PTCD2: variants seen among roughly 807,000 people sequenced by gnomAD.
The protein encoded by PTCD2 is pentatricopeptide repeat-containing protein 2, mitochondrial.
PTCD2 carries 31 observed loss-of-function variants against 42.6 expected under a neutral mutation model. The ratio of observed to expected loss-of-function variants is 0.73; its 90% CI spans 0.55 to 0.98. The LOEUF (loss-of-function observed/expected upper bound fraction) is 0.98. PTCD2 is among the 50% of genes least tolerant of loss of function. The pLI, the probability that PTCD2 is intolerant of heterozygous loss-of-function variation, is 0.00. For synonymous variants in PTCD2, 183 were observed against 170.9 expected (o/e 1.07, Z -0.55); for missense variants, 476 against 454.8 (o/e 1.05, Z -0.42).
rs1381423556 is a variant in PTCD2 at position 72,360,258 on chromosome 5, A to G, written c.*1831A>G. The G allele has an allele frequency of 1.3e-5, 2 of 150,978 alleles. No homozygotes were observed. Among genetic ancestry groups the G allele is most frequent in the Non-Finnish European group, 2.9e-5 (2 of 67,930 alleles). The allele number at this position is 150,978 out of a possible 1,614,324, so 9.4% of individuals were successfully genotyped here. A position where few individuals can be genotyped will look rare whatever the true frequency, so the allele number is the denominator to read the frequency against. Reference sequence around the variant, plus strand: ...GATTTCTCCACTTTCAGTCTTAGGGAATAATAGGGCATGCTTCCTGTCCCC... The same window carrying G: ...GATTTCTCCACTTTCAGTCTTAGGGGATAATAGGGCATGCTTCCTGTCCCC... On this transcript the variant is annotated 3_prime_UTR_variant, in exon 10 of 10. Coordinates refer to ENST00000380639, the MANE Select transcript of PTCD2 (RefSeq NM_024754.5).
chr5:72,333,752 T>G (rs1751566157), intron 4 of PTCD2, among the ~76,000 whole-genome samples: 1 of 152,248 alleles, frequency 6.6e-6, no homozygotes, highest in Non-Finnish European at 1.5e-5. Flanking sequence ...ATAGGTTTTA[T>G]GTACTTTCAC....
intron 7 of PTCD2, among the ~76,000 whole-genome samples, chr5:72,339,330 T>G (rs1236642548): frequency 6.6e-6 from 1 of 152,208 alleles, no homozygotes; most frequent in African/African-American, 2.4e-5. Flanking sequence ...GATTTCCTAT[T>G]CCAGAGCCTA....
In PTCD2 at chr5:72,366,543, A is replaced by T. The variant is rs1447827166; in HGVS notation, c.*8116A>T. The T allele has an allele frequency of 1.3e-5, 2 of 152,252 alleles. No individual in the cohort carries two copies. The highest frequency in any genetic ancestry group is 2.9e-5 in the Non-Finnish European group (2 of 68,052). The allele number at this position is 152,252 out of a possible 1,614,324, so 9.4% of individuals were successfully genotyped here. ...TTGCTGTCAGTAGCAGAGCTGAAGA[A>T]CTTACAATAGACGGCAGAGGGCGTC... On this transcript the variant is annotated 3_prime_UTR_variant, in exon 10 of 10. Transcript: ENST00000380639.
Position 72,360,072 on chromosome 5 carries a change from TCTTC to T in PTCD2, c.*1650_*1653del, listed in dbSNP as rs991669819. The T allele has an allele frequency of 1.3e-5, 2 of 152,112 alleles. No individual in the cohort carries two copies. Among genetic ancestry groups the T allele is most frequent in the Non-Finnish European group, 1.5e-5 (1 of 68,038 alleles). The allele number at this position is 152,112 out of a possible 1,614,324, so 9.4% of individuals were successfully genotyped here. On this transcript the variant is annotated 3_prime_UTR_variant, in exon 10 of 10. Coordinates refer to ENST00000380639, the MANE Select transcript of PTCD2 (RefSeq NM_024754.5). ...TAAGGAATTATAAAAACAAATGAGT[TCTTC>T]CTTCTGCTCAAAAATATTGAATTTC...
Position 72,326,679 on chromosome 5 carries a change from A to G in PTCD2, c.288A>G (p.Ile96Met). Residue 96 changes from isoleucine to methionine, a missense_variant, in exon 3 of 10, where the codon ATA becomes ATG. Ile to Met is a conservative substitution (Grantham distance 10, BLOSUM62 1). Transcript: ENST00000380639. The part of the protein sequence containing the change: ...QNKLILKGEL[I>M]TLLHLCESRD... Reference sequence around the variant, plus strand: ...AGCTCATCTTGAAGGGGGAGTTGATAACCTTACTACATTTGTGTGAGTCTC... The same window carrying G: ...AGCTCATCTTGAAGGGGGAGTTGATGACCTTACTACATTTGTGTGAGTCTC... 1 of 1,614,170 alleles carries G rather than the reference A, an allele frequency of 6.2e-7. No individual in the cohort carries two copies. Among genetic ancestry groups the G allele is most frequent in the East Asian group, 2.2e-5 (1 of 44,884 alleles).
intron 4 of PTCD2, among the ~76,000 whole-genome samples, chr5:72,332,702 G>T (rs1751504966): frequency 6.6e-6 from 1 of 152,018 alleles, no homozygotes; most frequent in Admixed American, 6.6e-5. Context: ...AAATTTTCTG[G>T]AGTAGAATGG....
In PTCD2 at chr5:72,338,659, G is replaced by A. The variant is rs768099899; in HGVS notation, c.677G>A (p.Arg226Lys). The change falls in exon 7 of 10, where the codon AGA becomes AAA. Residue 226 changes from arginine to lysine, a missense_variant. Arg to Lys is a conservative substitution (Grantham distance 26, BLOSUM62 2). Coordinates refer to ENST00000380639, the MANE Select transcript of PTCD2 (RefSeq NM_024754.5). ...TCTTTCAAAATCTGTACTACATTAA[G>A]AGAAGAAGCTCTACTCAAAGGAGAA... ...PESFKICTTLREEALLKGEIL... is the reference protein window; with the variant it reads ...PESFKICTTLKEEALLKGEIL... 3 of 1,612,206 alleles carry A rather than the reference G, an allele frequency of 1.9e-6. No homozygotes were observed. Among genetic ancestry groups the A allele is most frequent in the Middle Eastern group, 1.7e-4 (1 of 6,060 alleles).
chr5:72,333,348 C>T lies in PTCD2; in HGVS notation c.469-1670C>T, dbSNP rs534214004. On this transcript the variant is annotated intron_variant, in intron 4 of 9. Coordinates refer to ENST00000380639, the MANE Select transcript of PTCD2 (RefSeq NM_024754.5). Reference sequence around the variant, plus strand: ...CCATCCATCTTCTCTACTTGCTCTTCATAGACTTTACTAATAGCTGAAATT... The same window carrying T: ...CCATCCATCTTCTCTACTTGCTCTTTATAGACTTTACTAATAGCTGAAATT... Among the ~76,000 whole-genome samples the T allele has an allele frequency of 6.6e-5, 10 of 152,342 alleles. No individual in the cohort carries two copies. The East Asian group carries it at 1.5e-3, about 23-fold the overall frequency.
chr5:72,353,762 T>C (rs1218710108), intron 9 of PTCD2, among the ~76,000 whole-genome samples: 1 of 152,148 alleles, frequency 6.6e-6, no homozygotes, highest in Non-Finnish European at 1.5e-5. Context: ...GTGGATAGAC[T>C]AGTAAGAAGT....
At chr5:72,339,549 C>T (rs1222644938) in intron 7 of PTCD2, among the ~76,000 whole-genome samples, 2 of 152,130 alleles carry the variant, frequency 1.3e-5, no homozygotes, top group East Asian at 1.9e-4. Context: ...TTATACACTT[C>T]CCAGCCTTCT....
intron 8 of PTCD2, among the ~76,000 whole-genome samples, chr5:72,352,255 C>G (rs953450094): frequency 6.6e-6 from 1 of 152,194 alleles, no homozygotes; most frequent in African/African-American, 2.4e-5. Context: ...TCAAGTGATT[C>G]TCCTGCCTCA....
rs939298255 is a variant in PTCD2 at position 72,361,071 on chromosome 5, C to G, written c.*2644C>G. 4 of 152,144 alleles carry G rather than the reference C, an allele frequency of 2.6e-5. No homozygotes were observed. Among genetic ancestry groups the G allele is most frequent in the African/African-American group, 9.7e-5 (4 of 41,430 alleles). 9.4% of individuals were successfully genotyped at this position (152,144 alleles called of 1,614,324 possible). On this transcript the variant is annotated 3_prime_UTR_variant, in exon 10 of 10. Transcript: ENST00000380639. The stretch of plus-strand genomic sequence containing the variant: ...TATGTGCTTTTGTAGATTGTTTTTA[C>G]TTACTGTAGATATCTGTTGCTCCAG...
chr5:72,330,157 G>C (rs1390855498), intron 3 of PTCD2, among the ~76,000 whole-genome samples: 3 of 151,600 alleles, frequency 2.0e-5, no homozygotes, highest in African/African-American at 7.3e-5. Flanking sequence ...AGCCAAGATG[G>C]TCTCGATCTC....
intron 3 of PTCD2, among the ~76,000 whole-genome samples, chr5:72,327,795 T>A (rs1561377495): frequency 1.3e-5 from 2 of 152,200 alleles, no homozygotes; most frequent in African/African-American, 4.8e-5. Flanking sequence ...TTAAAAGATC[T>A]GTTTCTATAT....
chr5:72,337,509 T>G (rs1751813276), intron 6 of PTCD2, among the ~76,000 whole-genome samples: 1 of 152,136 alleles, frequency 6.6e-6, no homozygotes, highest in Non-Finnish European at 1.5e-5. Context: ...TCAATTCTAC[T>G]TAGAGGCCAT....
intron 8 of PTCD2, among the ~76,000 whole-genome samples, chr5:72,351,470 CT>C (rs1202375625): frequency 6.6e-6 from 1 of 152,210 alleles, no homozygotes; most frequent in African/African-American, 2.4e-5. Flanking sequence ...CCATTTGCCC[CT>C]AGCCAGTTAC....
rs1211651270 is a variant in PTCD2, at chr5:72,367,658, T to C, written c.*9231T>C. The C allele has an allele frequency of 2.0e-5, 3 of 152,212 alleles. No homozygotes were observed. Among genetic ancestry groups the C allele is most frequent in the African/African-American group, 7.2e-5 (3 of 41,456 alleles). The allele number at this position is 152,212 out of a possible 1,614,324, so 9.4% of individuals were successfully genotyped here. A position where few individuals can be genotyped will look rare whatever the true frequency, so the allele number is the denominator to read the frequency against. On this transcript the variant is annotated 3_prime_UTR_variant, in exon 10 of 10. Coordinates refer to ENST00000380639, the MANE Select transcript of PTCD2 (RefSeq NM_024754.5). ...AAACACCTGGTTGATGGCCATTTGG[T>C]CAAACACCTCTAGGAGTCTGGAGTT...
intron 4 of PTCD2, among the ~76,000 whole-genome samples, 173 bp downstream of exon 4, chr5:72,331,548 G>A (rs1157781514): frequency 6.6e-6 from 1 of 152,170 alleles, no homozygotes; most frequent in Non-Finnish European, 1.5e-5. Context: ...TTGTGTGAAG[G>A]GGGGTGGAGT....
chr5:72,345,143 C>T (rs931804113), intron 8 of PTCD2, among the ~76,000 whole-genome samples: 1 of 152,190 alleles, frequency 6.6e-6, no homozygotes, highest in Non-Finnish European at 1.5e-5. Flanking sequence ...AGGCTGCCCC[C>T]TGAAGTGGCC....
Sources: gnomAD v4.1 joint callset for allele counts (sites outside exome capture counted in the v4.1 genomes callset) on GRCh38, gnomAD v4.1.1 for gene constraint, MANE v1.5 for transcripts, NCBI Gene and HGNC (gene_info 2026-07-23, HGNC 2026-07-21) for gene names.